Variants in PLEKHA5 observed in about 807,000 individuals in gnomAD.
PLEKHA5 encodes pleckstrin homology domain-containing family A member 5.
In PLEKHA5, 55 loss-of-function variants were observed where a neutral mutation model predicts 181.9. The ratio of observed to expected loss-of-function variants is 0.30; its 90% CI spans 0.24 to 0.38. PLEKHA5 has a LOEUF of 0.38. Among genes scored for constraint, PLEKHA5 ranks in the 10% least tolerant of loss-of-function variants. The probability of loss-of-function intolerance (pLI) is 1.00; values close to 1 mark genes in which losing one functional copy is unlikely to be tolerated. For missense variants in PLEKHA5, 1,432 were observed against 1,549.5 expected (o/e 0.92, Z 1.27); for synonymous variants, 535 against 529.4 (o/e 1.01, Z -0.15).
At chr12:19,155,647 CTT>C (rs779896020) in intron 3 of PLEKHA5, among the ~76,000 whole-genome samples, 2 of 152,164 alleles carry the variant, frequency 1.3e-5, no homozygotes, top group Non-Finnish European at 2.9e-5. Flanking sequence ...TATTATTAGT[CTT>C]TATCTTGAAT....
At chr12:19,284,458 C>T (rs1565566179) in intron 12 of PLEKHA5, among the ~76,000 whole-genome samples, 2 of 152,172 alleles carry the variant, frequency 1.3e-5, no homozygotes, top group South Asian at 4.1e-4. Context: ...GTATCAAGCT[C>T]ATCCTGTTGT....
chr12:19,214,613 A>T (rs1436587595), intron 3 of PLEKHA5, among the ~76,000 whole-genome samples: 1 of 152,142 alleles, frequency 6.6e-6, no homozygotes, highest in Non-Finnish European at 1.5e-5. Flanking sequence ...CCAGCGACAT[A>T]TGATGGAGGG....
intron 3 of PLEKHA5, chr12:19,201,054 GAA>G (rs1178648349): frequency 1.3e-5 from 2 of 152,022 alleles, no homozygotes; most frequent in African/African-American, 2.4e-5. Flanking sequence ...TGAAGAGAAT[GAA>G]AAGACAAGTC....
intron 3 of PLEKHA5, chr12:19,150,753 G>A (rs1220974422): frequency 6.6e-6 from 1 of 152,236 alleles, no homozygotes; most frequent in African/African-American, 2.4e-5. Flanking sequence ...AATCTTGAGG[G>A]AGGGCCGTGG....
At chr12:19,286,739 G>T (rs1286236216) in intron 12 of PLEKHA5, among the ~76,000 whole-genome samples, 1 of 152,094 alleles carries the variant, frequency 6.6e-6, no homozygotes, top group African/African-American at 2.4e-5. Context: ...GCCGAGGTAG[G>T]TGGATTGCTT....
chr12:19,253,840 G>A, intron 3 of PLEKHA5, 100 bp from the exon 4 acceptor site: 2 of 818,316 alleles, frequency 2.4e-6, no homozygotes, highest in Admixed American at 2.5e-5. Context: ...AAAAAAGGCT[G>A]GAAGTTTGAA....
chr12:19,330,050 C>CA (rs1430511995), intron 20 of PLEKHA5, among the ~76,000 whole-genome samples: 1 of 152,100 alleles, frequency 6.6e-6, no homozygotes, highest in East Asian at 1.9e-4. Flanking sequence ...GACCCTGTTT[C>CA]AAAAAACAAA....
chr12:19,277,773 T>C (rs1349539847), intron 11 of PLEKHA5, among the ~76,000 whole-genome samples: 3 of 151,592 alleles, frequency 2.0e-5, no homozygotes, highest in African/African-American at 7.3e-5. Context: ...ATTAAAGTTC[T>C]GATAGAAAGA....
chr12:19,129,760 G>T lies in PLEKHA5; in HGVS notation c.-40G>T, dbSNP rs1442310638. 3 of 1,483,682 alleles carry T rather than the reference G, an allele frequency of 2.0e-6. No homozygotes were observed. Among genetic ancestry groups the T allele is most frequent in the East Asian group, 2.5e-5 (1 of 40,230 alleles). The allele number at this position is 1,483,682 out of a possible 1,614,324, so 91.9% of individuals were successfully genotyped here. On this transcript the variant is annotated 5_prime_UTR_variant, in exon 1 of 32. Coordinates refer to ENST00000429027, the MANE Select transcript of PLEKHA5 (RefSeq NM_001256470.2). ...TCCCTCCTCCCTCGGCAGCCGCGGC[G>T]GCAGCAGGAGAAGGCGGCGGCGGCG...
intron 6 of PLEKHA5, among the ~76,000 whole-genome samples, chr12:19,259,750 G>GAA (rs1187955818): frequency 1.4e-5 from 2 of 138,366 alleles, no homozygotes; most frequent in South Asian, 2.3e-4. Flanking sequence ...GACTGTCTCG[G>GAA]AAAAAAAAAA....
intron 3 of PLEKHA5, among the ~76,000 whole-genome samples, chr12:19,221,596 C>A (rs1025830890): frequency 1.3e-5 from 2 of 152,026 alleles, no homozygotes; most frequent in African/African-American, 4.8e-5. Flanking sequence ...GTTTACAACA[C>A]AAAAAGTAAA....
At position 19,130,516 on chromosome 12, in the gene PLEKHA5, C is replaced by G. The variant is rs2033319411; in HGVS notation, c.169+386C>G. ...CGGTGACCCCCAGCTGCCGTCTTGCCCCCCAGCAATCTTCAGGCAGTCCTT... is the reference window on the plus strand; with the variant it reads ...CGGTGACCCCCAGCTGCCGTCTTGCGCCCCAGCAATCTTCAGGCAGTCCTT... On this transcript the variant is annotated intron_variant, in intron 2 of 31. Coordinates refer to ENST00000429027, the MANE Select transcript of PLEKHA5 (RefSeq NM_001256470.2). The surrounding 1 kb of genome is among the most constrained non-coding windows in gnomAD (Gnocchi z 4.5). Among the ~76,000 whole-genome samples, 2 of 151,916 alleles carry G rather than the reference C, an allele frequency of 1.3e-5. No homozygotes were observed. Among genetic ancestry groups the G allele is most frequent in the East Asian group, 3.9e-4 (2 of 5,126 alleles).
chr12:19,334,420 C>T (rs776064675), intron 20 of PLEKHA5, among the ~76,000 whole-genome samples: 2 of 152,104 alleles, frequency 1.3e-5, no homozygotes, highest in East Asian at 1.9e-4. Flanking sequence ...GAGAAGGATT[C>T]CTACCATCCT....
rs184564625 is a variant in PLEKHA5 at position 19,206,021 on chromosome 12, G to A, written c.228-47919G>A. The stretch of plus-strand genomic sequence containing the variant: ...AATAAAATGAAATTGACAACATTTT[G>A]TAAAATAAAAGGTGTTACAGTTATT... On this transcript the variant is annotated intron_variant, in intron 3 of 31. Transcript: ENST00000429027. Among the ~76,000 whole-genome samples the A allele has an allele frequency of 4.6e-3, 705 of 152,138 alleles. 2 individuals carry two copies. Among genetic ancestry groups the A allele is most frequent in the Middle Eastern group, 0.01 (3 of 294 alleles).
At chr12:19,260,775 G>T (rs554851008) in intron 6 of PLEKHA5, among the ~76,000 whole-genome samples, 174 bp from the exon 7 acceptor site, 1 of 152,088 alleles carries the variant, frequency 6.6e-6, no homozygotes, top group Non-Finnish European at 1.5e-5. Context: ...CAGGAGAATC[G>T]CTTGAACCCA....
intron 17 of PLEKHA5, 75 bp downstream of exon 17, chr12:19,320,131 G>A (rs2090250944): frequency 3.5e-6 from 2 of 565,510 alleles, no homozygotes; most frequent in Non-Finnish European, 3.0e-6. Context: ...ACATTTGAGT[G>A]TACACATACA....
chr12:19,340,794 T>G (rs1284263502), intron 21 of PLEKHA5, among the ~76,000 whole-genome samples: 2 of 150,138 alleles, frequency 1.3e-5, no homozygotes, highest in East Asian at 3.9e-4. Flanking sequence ...TAATCTCAAG[T>G]ACCCAGGGAC....
At chr12:19,137,382 A>G (rs1201423720) in intron 3 of PLEKHA5, among the ~76,000 whole-genome samples, 1 of 152,216 alleles carries the variant, frequency 6.6e-6, no homozygotes, top group Non-Finnish European at 1.5e-5. Flanking sequence ...TACTAGAGCT[A>G]TATAATTCTT....
chr12:19,254,474 T>C (rs1241349974), intron 4 of PLEKHA5, among the ~76,000 whole-genome samples: 1 of 152,220 alleles, frequency 6.6e-6, no homozygotes, highest in Non-Finnish European at 1.5e-5. Context: ...AATTCATTTT[T>C]AATTTTTCAG....
Sources: gnomAD v4.1 joint callset for allele counts (sites outside exome capture counted in the v4.1 genomes callset) on GRCh38, gnomAD v4.1.1 for gene constraint, Gnocchi (gnomAD v3.1) non-coding constraint, MANE v1.5 for transcripts, NCBI Gene and HGNC (gene_info 2026-07-23, HGNC 2026-07-21) for gene names.